Variants in TNRC6A observed in about 807,000 individuals in gnomAD.
The protein encoded by TNRC6A is trinucleotide repeat containing adaptor 6A, also known as trinucleotide repeat-containing gene 6A protein.
Under a neutral mutation model 221.2 loss-of-function variants are expected in TNRC6A, and 44 were observed. That is an observed-to-expected ratio of 0.20 (90% CI 0.16 to 0.26). The LOEUF (loss-of-function observed/expected upper bound fraction) is 0.26, where lower values mean the gene tolerates loss of function less well. TNRC6A is among the 10% of genes least tolerant of loss of function. The pLI is 1.00. For missense variants in TNRC6A, 2,199 were observed against 2,404.4 expected (o/e 0.91, Z 1.79); for synonymous variants, 847 against 838.5 (o/e 1.01, Z -0.18).
chr16:24,820,470 A>G lies in TNRC6A; in HGVS notation c.5302+110A>G. Reference sequence around the variant, plus strand: ...AACGGTAAACTATTGCCTCACCTCCATCAGGGGGAATGAGAACTTCGGTAA... The same window carrying G: ...AACGGTAAACTATTGCCTCACCTCCGTCAGGGGGAATGAGAACTTCGGTAA... On this transcript the variant is annotated intron_variant, in intron 22 of 24. Transcript: ENST00000395799. 4.3e-6 allele frequency: 4 copies of G among 937,634 alleles called. No homozygotes were observed. The East Asian group carries it at 1.0e-4, about 25-fold the overall frequency. 58.1% of individuals were successfully genotyped at this position (937,634 alleles called of 1,614,324 possible).
At chr16:24,741,420 A>G (rs1378096086) in intron 2 of TNRC6A, among the ~76,000 whole-genome samples, 4 of 152,174 alleles carry the variant, frequency 2.6e-5, no homozygotes, top group Non-Finnish European at 4.4e-5. Flanking sequence ...CATTCTATTA[A>G]CATGGTGTAT....
intron 5 of TNRC6A, among the ~76,000 whole-genome samples, chr16:24,779,951 C>G (rs1019465805): frequency 6.6e-6 from 1 of 152,168 alleles, no homozygotes; most frequent in Non-Finnish European, 1.5e-5. Flanking sequence ...GTGCCTCAGA[C>G]ACTTATTGAT....
chr16:24,795,672 G>A (rs1231622063), intron 8 of TNRC6A: 2 of 405,992 alleles, frequency 4.9e-6, no homozygotes, highest in Non-Finnish European at 8.8e-6. Flanking sequence ...TTTGCCTATT[G>A]CCTTGCCATA....
At chr16:24,640,696 T>A (rs1367353770) in intron 1 of TNRC6A, among the ~76,000 whole-genome samples, 1 of 146,698 alleles carries the variant, frequency 6.8e-6, no homozygotes, top group East Asian at 2.0e-4. Flanking sequence ...GCCACTGCAC[T>A]CTGGCCTGGG....
intron 2 of TNRC6A, among the ~76,000 whole-genome samples, chr16:24,644,147 C>T (rs1173044287): frequency 6.7e-5 from 8 of 119,490 alleles, no homozygotes; most frequent in African/African-American, 1.3e-4. Context: ...AGTGCAGTGG[C>T]GCGATCTTGG....
At chr16:24,643,475 G>A (rs974685021) in intron 2 of TNRC6A, among the ~76,000 whole-genome samples, 1 of 151,906 alleles carries the variant, frequency 6.6e-6, no homozygotes. Flanking sequence ...TGACCACCCC[G>A]ATCCACCATT....
At chr16:24,707,844 A>G (rs1333865866) in intron 2 of TNRC6A, among the ~76,000 whole-genome samples, 1 of 152,170 alleles carries the variant, frequency 6.6e-6, no homozygotes, top group African/African-American at 2.4e-5. Context: ...AGACGTCTTG[A>G]GGCCAGGAGT....
intron 2 of TNRC6A, among the ~76,000 whole-genome samples, chr16:24,652,245 G>A (rs78591243): frequency 0.024 from 3,623 of 152,172 alleles, 136 homozygotes; most frequent in African/African-American, 0.083. Context: ...TGATCAAAAT[G>A]AAAAGATGAA....
intron 8 of TNRC6A, among the ~76,000 whole-genome samples, chr16:24,794,998 G>A (rs2058189096): frequency 6.6e-6 from 1 of 152,080 alleles, no homozygotes; most frequent in Non-Finnish European, 1.5e-5. Context: ...TGCCTGCAGT[G>A]GTGAGGATGA....
At chr16:24,694,253 A>G (rs2055812040) in intron 2 of TNRC6A, among the ~76,000 whole-genome samples, 1 of 152,156 alleles carries the variant, frequency 6.6e-6, no homozygotes, top group Non-Finnish European at 1.5e-5. Flanking sequence ...GGCTCCCAGC[A>G]TAGCCAGGCC....
At chr16:24,745,723 C>T (rs1345947892) in intron 2 of TNRC6A, among the ~76,000 whole-genome samples, 1 of 151,766 alleles carries the variant, frequency 6.6e-6, no homozygotes, top group Non-Finnish European at 1.5e-5. Context: ...CTCACTGCAG[C>T]CTCCAACTCC....
chr16:24,684,199 G>C (rs1211326782), intron 2 of TNRC6A, among the ~76,000 whole-genome samples: 1 of 151,910 alleles, frequency 6.6e-6, no homozygotes, highest in East Asian at 1.9e-4. Flanking sequence ...AGGAGTTTGA[G>C]ACCAGCCTGG....
chr16:24,638,358 A>G (rs546077256), intron 1 of TNRC6A, among the ~76,000 whole-genome samples: 1 of 152,202 alleles, frequency 6.6e-6, no homozygotes, highest in South Asian at 2.1e-4. Context: ...GTTCTTTTGA[A>G]GTGAGCTGAG....
In TNRC6A at chr16:24,791,024, T is replaced by A. The variant is rs774430899; in HGVS notation, c.2382T>A (p.Asp794Glu). The A allele has an allele frequency of 6.3e-7, 1 of 1,590,942 alleles. No homozygotes were observed. Among genetic ancestry groups the A allele is most frequent in the African/African-American group, 1.3e-5 (1 of 74,416 alleles). Residue 794 changes from aspartate (D) to glutamate (E), a missense_variant, in exon 6 of 25, where the codon GAT (aspartate) becomes GAA (glutamate). Coordinates refer to ENST00000395799, the MANE Select transcript of TNRC6A (RefSeq NM_014494.4). ...CCAAACCTGCTCTGAGGTGGGGAGA[T>A]TCCAAAGGCTCAAACTGCCAGGGGG... ...GDPKPALRWG[D>E]SKGSNCQGGW...
intron 21 of TNRC6A, among the ~76,000 whole-genome samples, chr16:24,819,041 G>A (rs142513539): frequency 1.3e-5 from 2 of 151,716 alleles, no homozygotes; most frequent in East Asian, 3.9e-4. Context: ...TGATACTTTT[G>A]TAAAATACGG....
intron 1 of TNRC6A, among the ~76,000 whole-genome samples, chr16:24,623,375 T>G (rs1005809883): frequency 2.6e-5 from 4 of 152,006 alleles, no homozygotes; most frequent in Admixed American, 2.6e-4. Flanking sequence ...ATTTTTTGTA[T>G]TTTTAGTGGA....
intron 11 of TNRC6A, among the ~76,000 whole-genome samples, chr16:24,801,690 G>A (rs968812493): frequency 3.3e-5 from 5 of 152,184 alleles, no homozygotes; most frequent in South Asian, 4.1e-4. Context: ...GGGTTTCACC[G>A]TGTTGGCCAA....
intron 2 of TNRC6A, among the ~76,000 whole-genome samples, chr16:24,702,044 G>A (rs765807141): frequency 1.0e-4 from 15 of 150,100 alleles, no homozygotes; most frequent in Non-Finnish European, 2.2e-4. Context: ...CTATATGCAG[G>A]GACCATGTGT....
intron 18 of TNRC6A, 83 bp from the exon 19 acceptor site, chr16:24,815,064 T>A (rs1458763328): frequency 1.8e-5 from 27 of 1,480,434 alleles, no homozygotes; most frequent in Admixed American, 5.9e-5. Context: ...TAATAGAAAG[T>A]GTTCATGCTA....
Sources: gnomAD v4.1 joint callset for allele counts (sites outside exome capture counted in the v4.1 genomes callset) on GRCh38, gnomAD v4.1.1 for gene constraint, MANE v1.5 for transcripts, NCBI Gene and HGNC (gene_info 2026-07-23, HGNC 2026-07-21) for gene names.